Variants in MND1 observed in about 807,000 individuals in gnomAD.
MND1 encodes the protein meiotic nuclear divisions 1, also known as meiotic nuclear division protein 1 homolog.
In MND1, 28 loss-of-function variants were observed where a neutral mutation model predicts 35.1. The observed-to-expected ratio is 0.80, with a 90% CI of 0.59 to 1.09. MND1 has a LOEUF of 1.09. Among genes scored for constraint, MND1 ranks in the 50% least tolerant of loss-of-function variants. The probability of loss-of-function intolerance (pLI) is 0.00; values close to 1 mark genes in which losing one functional copy is unlikely to be tolerated. For synonymous variants in MND1, 69 were observed against 70.5 expected, an observed-to-expected ratio of 0.98 and a Z score of 0.11; for missense variants, 213 against 239.6, an observed-to-expected ratio of 0.89 and a Z score of 0.73.
intron 6 of MND1, among the ~76,000 whole-genome samples, chr4:153,404,373 A>G (rs902814420): frequency 7.5e-6 from 1 of 132,526 alleles, no homozygotes; most frequent in Non-Finnish European, 1.6e-5. Context: ...CTGTATTTTT[A>G]GTAGAGATGA....
chr4:153,351,033 A>G (rs10030351), intron 2 of MND1, among the ~76,000 whole-genome samples: 10,266 of 152,032 alleles, frequency 0.068, 472 homozygotes, highest in South Asian at 0.13. Context: ...GTCATTGGCA[A>G]TTCAGAACAG....
At chr4:153,349,489 C>T (rs950809818) in intron 1 of MND1, among the ~76,000 whole-genome samples, 1 of 152,204 alleles carries the variant, frequency 6.6e-6, no homozygotes, top group Non-Finnish European at 1.5e-5. Context: ...CCTTTCTCAT[C>T]CCATCTGCCA....
chr4:153,391,111 A>G (rs1282567772), intron 4 of MND1, among the ~76,000 whole-genome samples: 1 of 152,088 alleles, frequency 6.6e-6, no homozygotes, highest in Non-Finnish European at 1.5e-5. Context: ...TGTTATGTAT[A>G]TATTTTAATT....
chr4:153,367,381 C>A (rs1256564986), intron 4 of MND1, among the ~76,000 whole-genome samples: 1 of 152,186 alleles, frequency 6.6e-6, no homozygotes, highest in African/African-American at 2.4e-5. Context: ...CTGTTCTGGA[C>A]ATTCTATATG....
chr4:153,344,683 C>A, upstream of MND1: 1 of 1,526,628 alleles, frequency 6.6e-7, no homozygotes, highest in Non-Finnish European at 8.9e-7. Context: ...CCTGGCCTGT[C>A]CCGCCCCTCT....
At chr4:153,358,430 T>C in intron 3 of MND1, 44 bp from the exon 4 acceptor site, 2 of 1,461,488 alleles carry the variant, frequency 1.4e-6, no homozygotes, top group Non-Finnish European at 1.8e-6. Flanking sequence ...TAATTTTATT[T>C]ATGGTGTTTT....
At chr4:153,393,368 CTTTTTT>C (rs60689772) in intron 4 of MND1, among the ~76,000 whole-genome samples, 2 of 125,342 alleles carry the variant, frequency 1.6e-5, no homozygotes, top group South Asian at 2.7e-4. Context: ...CAATTTCTTT[CTTTTTT>C]TTTTTTTTTT....
At chr4:153,373,612 TG>T (rs1327560843) in intron 4 of MND1, among the ~76,000 whole-genome samples, 10 of 152,212 alleles carry the variant, frequency 6.6e-5, no homozygotes, top group African/African-American at 2.2e-4. Context: ...TTTTGTGACA[TG>T]GCCCTCTTTC....
At chr4:153,407,567 C>T (rs1437669001) in intron 6 of MND1, among the ~76,000 whole-genome samples, 1 of 152,180 alleles carries the variant, frequency 6.6e-6, no homozygotes, top group African/African-American at 2.4e-5. Context: ...AACAATTTAT[C>T]TCTTCGCCAA....
intron 4 of MND1, among the ~76,000 whole-genome samples, chr4:153,378,055 G>A (rs1039763559): frequency 3.3e-5 from 5 of 152,042 alleles, no homozygotes; most frequent in East Asian, 1.9e-4. Context: ...TATCTCCCAC[G>A]TGGAATGCAG....
rs181855089 is a variant in MND1, at chr4:153,360,271, A to T, written c.276+1649A>T. 1.3e-4 allele frequency among the ~76,000 whole-genome samples: 20 copies of T among 152,254 alleles called. No individual in the cohort carries two copies. The East Asian group carries it at 1.3e-3, about 10-fold the overall frequency. On this transcript the variant is annotated intron_variant, in intron 4 of 7. Coordinates refer to ENST00000240488, the MANE Select transcript of MND1 (RefSeq NM_032117.4). ...AAGATTTCCTCTGAGTCTGTGACTT[A>T]TCTTTTCATTATCTCAACAGCATCT...
rs114190640 is a variant in MND1, at chr4:153,364,279, G to T, written c.276+5657G>T. Among the ~76,000 whole-genome samples the T allele has an allele frequency of 2.5e-3, 373 of 152,086 alleles. 1 individual carries two copies. The highest frequency in any genetic ancestry group is 8.6e-3 in the African/African-American group (355 of 41,464). On this transcript the variant is annotated intron_variant, in intron 4 of 7. Coordinates refer to ENST00000240488, the MANE Select transcript of MND1 (RefSeq NM_032117.4). ...ATCTGTGGTCTCAGCTACTTGGGGG[G>T]CCTGAGGTGGGAGGATCACTTGAGC...
At chr4:153,350,154 TA>T (rs1773178649) in intron 2 of MND1, 25 bp downstream of exon 2, 1 of 1,507,594 alleles carries the variant, frequency 6.6e-7, no homozygotes, top group East Asian at 2.3e-5. Flanking sequence ...TTAACACTTA[TA>T]ATTTTGTGTA....
At chr4:153,393,368 C>CTTTTT (rs60689772) in intron 4 of MND1, among the ~76,000 whole-genome samples, 39 of 125,320 alleles carry the variant, frequency 3.1e-4, no homozygotes, top group South Asian at 5.4e-4. Flanking sequence ...CAATTTCTTT[C>CTTTTT]TTTTTTTTTT....
chr4:153,366,835 G>A (rs1285887298), intron 4 of MND1, among the ~76,000 whole-genome samples: 2 of 152,184 alleles, frequency 1.3e-5, no homozygotes, highest in East Asian at 1.9e-4. Flanking sequence ...AGTATTATGA[G>A]GTTAGTATTA....
At position 153,371,252 on chromosome 4, in the gene MND1, A is replaced by T. The variant is rs115881541; in HGVS notation, c.276+12630A>T. On this transcript the variant is annotated intron_variant, in intron 4 of 7. Transcript: ENST00000240488. ...AATTCTTAAGGGCCCTAGGGTTTTC[A>T]TTGAGCATTGGCTTCAACTAAAGTC... 4.0e-3 allele frequency among the ~76,000 whole-genome samples: 611 copies of T among 152,138 alleles called. 4 individuals are homozygous for T. The highest frequency in any genetic ancestry group is 0.014 in the African/African-American group (564 of 41,544).
chr4:153,361,671 A>G, intron 4 of MND1: 1 of 386,750 alleles, frequency 2.6e-6, no homozygotes, highest in Non-Finnish European at 5.0e-6. Flanking sequence ...AACCCTGTCC[A>G]CTAAAAATAC....
intron 1 of MND1, 89 bp from the exon 2 acceptor site, chr4:153,349,975 A>G (rs1036885422): frequency 2.3e-6 from 2 of 865,372 alleles, no homozygotes; most frequent in Non-Finnish European, 3.7e-6. Context: ...ATCAGATAAG[A>G]CCATGCATAA....
chr4:153,364,724 T>C (rs1773583250), intron 4 of MND1, among the ~76,000 whole-genome samples: 1 of 152,138 alleles, frequency 6.6e-6, no homozygotes, highest in Non-Finnish European at 1.5e-5. Context: ...TTTATTTATT[T>C]ATTTAGAGAT....
Sources: allele counts gnomAD v4.1 joint callset (sites outside exome capture counted in the v4.1 genomes callset), GRCh38; gene constraint gnomAD v4.1.1; transcripts MANE v1.5; gene names NCBI Gene and HGNC (gene_info 2026-07-23, HGNC 2026-07-21).